Variants in PRKAR1B observed in about 807,000 individuals in gnomAD.
The protein encoded by PRKAR1B is protein kinase cAMP-dependent type I regulatory subunit beta.
In PRKAR1B, 22 loss-of-function variants were observed where a neutral mutation model predicts 46.5. That is an observed-to-expected ratio of 0.47 (90% CI 0.34 to 0.68). The LOEUF is 0.68. PRKAR1B is among the 30% of genes least tolerant of loss of function. The probability of loss-of-function intolerance (pLI) is 0.01; values close to 1 mark genes in which losing one functional copy is unlikely to be tolerated. For missense variants in PRKAR1B, 445 were observed against 535.6 expected (o/e 0.83, Z 1.67); for synonymous variants, 259 against 217.7 (o/e 1.19, Z -1.67).
intron 4 of PRKAR1B, among the ~76,000 whole-genome samples, chr7:670,911 G>A (rs544463567): frequency 2.7e-4 from 41 of 152,332 alleles, no homozygotes; most frequent in South Asian, 1.9e-3. Context: ...CCGAGGACAC[G>A]GCATCAGCCC....
At chr7:609,777 G>A (rs1055268119) in intron 4 of PRKAR1B, among the ~76,000 whole-genome samples, 3 of 152,104 alleles carry the variant, frequency 2.0e-5, no homozygotes, top group African/African-American at 4.8e-5. Flanking sequence ...GTCTCATTTT[G>A]TTGCCCAGGC....
At chr7:576,092 C>T (rs78026396) in intron 9 of PRKAR1B, among the ~76,000 whole-genome samples, 10,278 of 149,040 alleles carry the variant, frequency 0.069, 439 homozygotes, top group East Asian at 0.18. Context: ...CACAGGTGGG[C>T]GTGCACGCTG....
intron 3 of PRKAR1B, among the ~76,000 whole-genome samples, chr7:678,965 G>GTAATCCCAGCCAGTCA (rs1778501352): frequency 6.6e-6 from 1 of 152,186 alleles, no homozygotes; most frequent in Non-Finnish European, 1.5e-5. Flanking sequence ...ACAGGCACCT[G>GTAATCCCAGCCAGTCA]TAATCCCAGC....
intron 6 of PRKAR1B, among the ~76,000 whole-genome samples, chr7:597,363 C>T (rs1446517348): frequency 6.6e-6 from 1 of 152,310 alleles, no homozygotes; most frequent in African/African-American, 2.4e-5. Flanking sequence ...GAGAACTGGT[C>T]GACCACGAAC....
At chr7:617,864 TCC>T (rs1411977948) in intron 4 of PRKAR1B, among the ~76,000 whole-genome samples, 4 of 152,102 alleles carry the variant, frequency 2.6e-5, no homozygotes, top group Admixed American at 2.6e-4. Flanking sequence ...GCAGCCTCTA[TCC>T]GGGCAAAGGG....
At chr7:713,370 C>T (rs576401661) in intron 1 of PRKAR1B, among the ~76,000 whole-genome samples, 7 of 152,056 alleles carry the variant, frequency 4.6e-5, no homozygotes, top group Middle Eastern at 3.4e-3. Flanking sequence ...GTCCAGCCCC[C>T]GGGTCCTGCA....
Position 560,441 on chromosome 7 carries a change from T to C in PRKAR1B, c.892-8971A>G, listed in dbSNP as rs1778715801. ...TCACGACCATAAATGGAAACTGCTATCACTTTCCATAAATTAAAAAGTAAC... is the reference window on the plus strand; with the variant it reads ...TCACGACCATAAATGGAAACTGCTACCACTTTCCATAAATTAAAAAGTAAC... On this transcript the variant is annotated intron_variant, in intron 9 of 10. Transcript: ENST00000537384. This position sits in a 1 kb window ranked among gnomAD's most constrained non-coding sequence, Gnocchi z 4.2. Among the ~76,000 whole-genome samples the C allele has an allele frequency of 6.6e-6, 1 of 151,998 alleles. No homozygotes were observed. The highest frequency in any genetic ancestry group is 2.4e-5 in the African/African-American group (1 of 41,384).
intron 2 of PRKAR1B, chr7:691,511 A>G (rs1004223081): frequency 1.0e-5 from 13 of 1,304,300 alleles, no homozygotes; most frequent in Non-Finnish European, 1.3e-5. Context: ...ATCCAGGGAG[A>G]GCAAATGAAG....
intron 2 of PRKAR1B, among the ~76,000 whole-genome samples, chr7:690,023 C>T (rs902598086): frequency 4.1e-5 from 6 of 145,124 alleles, no homozygotes; most frequent in Admixed American, 6.9e-5. Context: ...AGGCCAGGCA[C>T]GGTGGGCTCA....
chr7:567,601 G>T (rs183875956), intron 9 of PRKAR1B, among the ~76,000 whole-genome samples: 15 of 152,096 alleles, frequency 9.9e-5, no homozygotes, highest in African/African-American at 3.6e-4. Flanking sequence ...ATCAGTGGTG[G>T]CAGCAGCAGC....
chr7:656,973 A>C (rs1785237258), intron 4 of PRKAR1B, among the ~76,000 whole-genome samples: 1 of 151,682 alleles, frequency 6.6e-6, no homozygotes, highest in Admixed American at 6.5e-5. Flanking sequence ...GAATGCATGG[A>C]TGGACGGACG....
chr7:611,659 C>T (rs534917145), intron 4 of PRKAR1B, among the ~76,000 whole-genome samples: 169 of 152,346 alleles, frequency 1.1e-3, no homozygotes, highest in African/African-American at 3.8e-3. Flanking sequence ...GTGCCCAGCC[C>T]GGGTCTGACG....
At chr7:614,160 G>C (rs902935681) in intron 4 of PRKAR1B, among the ~76,000 whole-genome samples, 1 of 152,212 alleles carries the variant, frequency 6.6e-6, no homozygotes, top group Non-Finnish European at 1.5e-5. Context: ...GCACTTCTTC[G>C]GACTCACAGG....
At chr7:663,869 G>T (rs191677034) in intron 4 of PRKAR1B, among the ~76,000 whole-genome samples, 40 of 152,264 alleles carry the variant, frequency 2.6e-4, no homozygotes, top group East Asian at 9.7e-4. Context: ...AATCGGAGTG[G>T]CTTCCTCATT....
intron 2 of PRKAR1B, among the ~76,000 whole-genome samples, chr7:681,022 T>A (rs1778652458): frequency 6.6e-6 from 1 of 152,160 alleles, no homozygotes; most frequent in Admixed American, 6.5e-5. Flanking sequence ...AGAGACCAGG[T>A]GGAGGCGACT....
chr7:677,199 G>A (rs1321640772), intron 4 of PRKAR1B, 30 bp downstream of exon 4: 1 of 1,609,804 alleles, frequency 6.2e-7, no homozygotes, highest in Non-Finnish European at 8.5e-7. Flanking sequence ...GGGCGGCGGT[G>A]ATGCCGGGGC....
At chr7:668,489 G>A (rs2128499851) in intron 4 of PRKAR1B, among the ~76,000 whole-genome samples, 1 of 152,342 alleles carries the variant, frequency 6.6e-6, no homozygotes, top group East Asian at 1.9e-4. Flanking sequence ...TGGAAAGTGA[G>A]TTTTCCTGTG....
At chr7:599,302 C>CTT (rs766317605) in intron 6 of PRKAR1B, among the ~76,000 whole-genome samples, 4 of 138,802 alleles carry the variant, frequency 2.9e-5, no homozygotes, top group Admixed American at 1.4e-4. Context: ...TGTTTTCTCT[C>CTT]TTTTTTTTTT....
intron 4 of PRKAR1B, among the ~76,000 whole-genome samples, chr7:656,894 T>A (rs1785229433): frequency 6.6e-6 from 1 of 151,146 alleles, no homozygotes; most frequent in Non-Finnish European, 1.5e-5. Context: ...GATGCATGAG[T>A]GAATGCATGG....
Sources: allele counts gnomAD v4.1 joint callset (sites outside exome capture counted in the v4.1 genomes callset), GRCh38; gene constraint gnomAD v4.1.1; non-coding constraint Gnocchi (gnomAD v3.1); transcripts MANE v1.5; gene names NCBI Gene and HGNC (gene_info 2026-07-23, HGNC 2026-07-21).